Variants in MNT observed in about 807,000 individuals in gnomAD.
MNT encodes MAX network transcriptional repressor, also known as max-binding protein MNT.
MNT carries 13 observed loss-of-function variants against 40.7 expected under a neutral mutation model. That is an observed-to-expected ratio of 0.32 (90% CI 0.21 to 0.51). The LOEUF (loss-of-function observed/expected upper bound fraction) is 0.51. MNT is among the 20% of genes least tolerant of loss of function. MNT has a pLI of 0.98. For synonymous variants in MNT, 426 were observed against 354.8 expected (o/e 1.20, Z -2.26); for missense variants, 757 against 792.0 (o/e 0.96, Z 0.53).
intron 4 of MNT, among the ~76,000 whole-genome samples, chr17:2,388,728 A>C (rs1341974156): frequency 6.6e-6 from 1 of 152,094 alleles, no homozygotes; most frequent in African/African-American, 2.4e-5. Flanking sequence ...AAACCGATCC[A>C]TGAGAAATGG....
chr17:2,392,680 A>G (rs561893631), intron 4 of MNT: 1 of 151,320 alleles, frequency 6.6e-6, no homozygotes, highest in East Asian at 2.0e-4. Flanking sequence ...CCGAGGCCCC[A>G]CCCCGAAGCA....
At position 2,395,407 on chromosome 17, in the gene MNT, T is replaced by G; in HGVS notation, c.121A>C (p.Lys41Gln). The G allele has an allele frequency of 6.2e-7, 1 of 1,613,462 alleles. No homozygotes were observed. Among genetic ancestry groups the G allele is most frequent in the Non-Finnish European group, 8.5e-7 (1 of 1,179,878 alleles). ...RLEQEREQEQ[K>Q]KANSLARLAH... Reference sequence around the variant, plus strand: ...AGCCTGGCCAGGCTATTGGCCTTCTTCTGTTCCTGCTCTCGCTCCTGCTCC... The same window carrying G: ...AGCCTGGCCAGGCTATTGGCCTTCTGCTGTTCCTGCTCTCGCTCCTGCTCC... Residue 41 changes from lysine (K) to glutamine (Q), a missense_variant, in exon 2 of 6, where the codon AAG (lysine) becomes CAG (glutamine). Lys to Gln is a moderately conservative substitution (Grantham distance 53). This residue lies in a region of MNT where 335 missense variants were observed against 291.4 expected (regional missense o/e 1.15). Transcript: ENST00000174618.
rs1433674844 is a variant in MNT at position 2,392,962 on chromosome 17, G to A, written c.807+1081C>T. 2.6e-5 allele frequency among the ~76,000 whole-genome samples: 4 copies of A among 152,244 alleles called. No homozygotes were observed. In the East Asian group the frequency reaches 5.8e-4, roughly 22 times the overall value. ...CTCAGCCCCTCCCTCAGCAAGTCAG[G>A]CTCCGGTTACCTCAGGGCTGTGACC... On this transcript the variant is annotated intron_variant, in intron 4 of 5. Transcript: ENST00000174618.
chr17:2,394,481 G>T, intron 2 of MNT, 135 bp from the exon 3 acceptor site: 1 of 1,337,750 alleles, frequency 7.5e-7, no homozygotes, highest in Non-Finnish European at 1.0e-6. Context: ...GGAGACGTTC[G>T]CCCTGTGCCA....
intron 1 of MNT, among the ~76,000 whole-genome samples, chr17:2,399,539 C>T (rs1171252240): frequency 6.6e-6 from 1 of 152,186 alleles, no homozygotes; most frequent in African/African-American, 2.4e-5. Flanking sequence ...CCAGAGCCGA[C>T]AGGTGAGCTC....
chr17:2,394,269 G>A (rs954605833), intron 3 of MNT, 36 bp downstream of exon 3: 38 of 1,490,790 alleles, frequency 2.5e-5, no homozygotes, highest in Admixed American at 1.6e-4. Context: ...GCGCGCGCAC[G>A]CACGCACGCA....
intron 4 of MNT, chr17:2,392,826 G>A (rs1016324799): frequency 2.6e-5 from 4 of 152,088 alleles, no homozygotes; most frequent in African/African-American, 7.2e-5. Flanking sequence ...CTGCCCGGAA[G>A]CGGCCTGGAG....
At position 2,397,482 on chromosome 17, in the gene MNT, C is replaced by T. The variant is rs577903304; in HGVS notation, c.74-2028G>A. On this transcript the variant is annotated intron_variant, in intron 1 of 5. Transcript: ENST00000174618. ...TTTATAGGCAGAGGAACAATCAGGG[C>T]CCTCCCTGAGTCACAAGGACATGTG... Among the ~76,000 whole-genome samples, 26 of 152,262 alleles carry T rather than the reference C, an allele frequency of 1.7e-4. No individual in the cohort carries two copies. The South Asian group carries it at 4.6e-3, about 27-fold the overall frequency.
At chr17:2,393,996 AGGGAGGGCGGG>A (rs2066550759) in intron 4 of MNT, 36 bp downstream of exon 4, 1 of 1,353,746 alleles carries the variant, frequency 7.4e-7, no homozygotes, top group Non-Finnish European at 1.0e-6. Flanking sequence ...GGGGCGGCGG[AGGGAGGGCGGG>A]GGAAGCTGCG....
chr17:2,400,078 G>A (rs1009811988), intron 1 of MNT, among the ~76,000 whole-genome samples: 4 of 151,616 alleles, frequency 2.6e-5, no homozygotes, highest in Non-Finnish European at 4.4e-5. Context: ...GCGTAGATCT[G>A]CCGGGAGCGC....
At chr17:2,400,443 T>A in intron 1 of MNT, 197 bp downstream of exon 1, 3 of 485,042 alleles carry the variant, frequency 6.2e-6, no homozygotes, top group Non-Finnish European at 3.6e-6. Flanking sequence ...CCTCGCAGCA[T>A]GTTAATGAAT....
chr17:2,394,553 G>C (rs1482651449), intron 2 of MNT, among the ~76,000 whole-genome samples: 1 of 152,062 alleles, frequency 6.6e-6, no homozygotes, highest in African/African-American at 2.4e-5. Context: ...GTCACCCTCC[G>C]TCCCACCAGG....
chr17:2,388,702 C>A (rs1399381821), intron 4 of MNT, among the ~76,000 whole-genome samples: 1 of 152,146 alleles, frequency 6.6e-6, no homozygotes, highest in Non-Finnish European at 1.5e-5. Flanking sequence ...AGGAACGTGC[C>A]CCCTGTACTT....
At chr17:2,395,678 A>ACGGT (rs2066572633) in intron 1 of MNT, among the ~76,000 whole-genome samples, 1 of 151,728 alleles carries the variant, frequency 6.6e-6, no homozygotes. Flanking sequence ...GAATAGTAGG[A>ACGGT]CAGTCACGGG....
intron 5 of MNT, 22 bp from the exon 6 acceptor site, chr17:2,387,671 G>GAGC: frequency 6.2e-7 from 1 of 1,613,260 alleles, no homozygotes; most frequent in Non-Finnish European, 8.5e-7. Flanking sequence ...ATGGGGCAGG[G>GAGC]AGCAGGTCAG....
chr17:2,397,821 A>G (rs1384413199), intron 1 of MNT, among the ~76,000 whole-genome samples: 1 of 152,124 alleles, frequency 6.6e-6, no homozygotes, highest in Non-Finnish European at 1.5e-5. Flanking sequence ...CCTCAGGAGC[A>G]CCCTGCGCTT....
Position 2,395,081 on chromosome 17 carries a change from T to C in MNT, c.447A>G (p.Leu149=). 1 of 1,530,272 alleles carries C rather than the reference T, an allele frequency of 6.5e-7. No homozygotes were observed. The highest frequency in any genetic ancestry group is 8.8e-7 in the Non-Finnish European group (1 of 1,139,286). 94.8% of individuals were successfully genotyped at this position (1,530,272 alleles called of 1,614,324 possible). A position where few individuals can be genotyped will look rare whatever the true frequency, so the allele number is the denominator to read the frequency against. The part of the protein sequence containing the change: ...SRPQVPTPAP[L]LPDSKATIPP... ...GAATGGTGGCCTTCGAGTCCGGCAG[T>C]AGGGGAGCAGGGGTGGGCACCTGCG... Residue 149 remains leucine, a synonymous_variant, in exon 2 of 6, where the codon CTA becomes CTG. Transcript: ENST00000174618.
intron 4 of MNT, chr17:2,389,652 CTCT>C (rs1408216906): frequency 1.3e-5 from 2 of 152,418 alleles, no homozygotes; most frequent in African/African-American, 4.8e-5. Flanking sequence ...CTTTTCTTGC[CTCT>C]GTCCCCTTCT....
chr17:2,395,578 C>T, intron 1 of MNT, 124 bp from the exon 2 acceptor site: 1 of 1,485,804 alleles, frequency 6.7e-7, no homozygotes. Context: ...AGAGACACCA[C>T]AAATAGCCTA....
Sources: gnomAD v4.1 joint callset for allele counts (sites outside exome capture counted in the v4.1 genomes callset) on GRCh38, gnomAD v4.1.1 for gene constraint, gnomAD v4.1.1 regional missense constraint, MANE v1.5 for transcripts, NCBI Gene and HGNC (gene_info 2026-07-23, HGNC 2026-07-21) for gene names.